Variants in DDX19A observed in about 807,000 individuals in gnomAD.
DDX19A encodes DEAD-box helicase 19A, also known as ATP-dependent RNA helicase DDX19A.
DDX19A carries 12 observed loss-of-function variants against 60.6 expected under a neutral mutation model. The observed-to-expected ratio is 0.20, with a 90% confidence interval of 0.13 to 0.32. DDX19A has a LOEUF of 0.32. Among genes scored for constraint, DDX19A ranks in the 10% least tolerant of loss-of-function variants. The pLI, the probability that DDX19A is intolerant of heterozygous loss-of-function variation, is 1.00. For synonymous variants in DDX19A, 206 were observed against 218.2 expected (o/e 0.94, Z 0.49); for missense variants, 337 against 600.6 (o/e 0.56, Z 4.59).
chr16:70,357,439 C>T (rs1964247392), intron 4 of DDX19A, among the ~76,000 whole-genome samples: 1 of 108,500 alleles, frequency 9.2e-6, no homozygotes, highest in African/African-American at 3.6e-5. Context: ...GGCTAGAGTG[C>T]AGTGGCGTGA....
At chr16:70,368,463 GT>G (rs1167900753) in intron 9 of DDX19A, among the ~76,000 whole-genome samples, 1 of 151,984 alleles carries the variant, frequency 6.6e-6, no homozygotes, top group Non-Finnish European at 1.5e-5. Flanking sequence ...GGTACAGGGG[GT>G]TTCACCATGT....
rs1381612166 is a variant in DDX19A, at chr16:70,371,282, A to G, written c.1184-90A>G. ...GTCCCAAATTCTTTCCCTCTATCCC[A>G]AAGTTGGTACGCATTGACCTACCTA... On this transcript the variant is annotated intron_variant, in intron 10 of 11. Transcript: ENST00000302243. The G allele has an allele frequency of 2.5e-6, 4 of 1,611,200 alleles. No individual in the cohort carries two copies. In the Admixed American group the frequency reaches 6.7e-5, roughly 27 times the overall value.
intron 2 of DDX19A, among the ~76,000 whole-genome samples, chr16:70,352,283 C>CT (rs58812314): frequency 0.032 from 4,283 of 135,284 alleles, 105 homozygotes; most frequent in African/African-American, 0.046. Context: ...TCATCCATGT[C>CT]TTTTTTTTTT....
At position 70,361,684 on chromosome 16, in the gene DDX19A, C is replaced by A. The variant is rs1006556351; in HGVS notation, c.386+174C>A. 4 of 565,050 alleles carry A rather than the reference C, an allele frequency of 7.1e-6. No individual in the cohort carries two copies. The African/African-American group carries it at 7.6e-5, about 11-fold the overall frequency. The allele number at this position is 565,050 out of a possible 1,614,324, so 35.0% of individuals were successfully genotyped here. A position where few individuals can be genotyped will look rare whatever the true frequency, so the allele number is the denominator to read the frequency against. Reference sequence around the variant, plus strand: ...GGAGTTAGCTACAGTTTCTGCCTTTCCCACTTAACAATAGAAACTTATAGA... The same window carrying A: ...GGAGTTAGCTACAGTTTCTGCCTTTACCACTTAACAATAGAAACTTATAGA... On this transcript the variant is annotated intron_variant, in intron 5 of 11. Transcript: ENST00000302243.
chr16:70,367,456 A>G (rs773956200), intron 9 of DDX19A, among the ~76,000 whole-genome samples: 1 of 152,072 alleles, frequency 6.6e-6, no homozygotes, highest in Non-Finnish European at 1.5e-5. Flanking sequence ...CAAGATAGTC[A>G]TAACATTCAC....
intron 11 of DDX19A, 151 bp downstream of exon 11, chr16:70,371,714 C>G: frequency 3.2e-6 from 4 of 1,239,652 alleles, no homozygotes; most frequent in Middle Eastern, 5.5e-4. Context: ...AGGGAGCACA[C>G]CTGGAGACTT....
At chr16:70,369,390 G>A (rs1042495320) in intron 9 of DDX19A, among the ~76,000 whole-genome samples, 9 of 148,960 alleles carry the variant, frequency 6.0e-5, no homozygotes, top group Non-Finnish European at 3.0e-5. Context: ...ATGTTGGTCA[G>A]GCTTGTGTTG....
intron 6 of DDX19A, 148 bp downstream of exon 6, chr16:70,364,793 G>A: frequency 1.4e-6 from 1 of 693,174 alleles, no homozygotes. Flanking sequence ...CCTGACCTGG[G>A]AGAATGTGCT....
chr16:70,351,902 C>T (rs1408679718), intron 2 of DDX19A, among the ~76,000 whole-genome samples: 4 of 152,010 alleles, frequency 2.6e-5, no homozygotes, highest in Admixed American at 1.3e-4. Context: ...AAAAGTGAAT[C>T]TGGGTTCAAA....
At chr16:70,371,628 G>A (rs2151647983) in intron 11 of DDX19A, 65 bp downstream of exon 11, 3 of 819,240 alleles carry the variant, frequency 3.7e-6, no homozygotes, top group Non-Finnish European at 5.7e-6. Context: ...GGTGAAAGGG[G>A]TAGGATCTTC....
At chr16:70,361,383 C>G in intron 4 of DDX19A, 35 bp from the exon 5 acceptor site, 2 of 1,474,012 alleles carry the variant, frequency 1.4e-6, no homozygotes, top group Non-Finnish European at 9.5e-7. Context: ...ATTCTAACTT[C>G]TAGGCATCCA....
intron 5 of DDX19A, among the ~76,000 whole-genome samples, chr16:70,362,340 C>CAAA (rs566741768): frequency 8.4e-4 from 39 of 46,280 alleles, no homozygotes; most frequent in African/African-American, 2.4e-3. Context: ...GACTCTGTCT[C>CAAA]AAAAAAAAAA....
At chr16:70,370,187 A>C (rs769657427) in intron 9 of DDX19A, 36 bp from the exon 10 acceptor site, 5 of 1,599,288 alleles carry the variant, frequency 3.1e-6, no homozygotes, top group Non-Finnish European at 4.3e-6. Context: ...TATATACTCA[A>C]ATACTTTCAT....
At chr16:70,358,807 G>A (rs992004121) in intron 4 of DDX19A, among the ~76,000 whole-genome samples, 9 of 152,130 alleles carry the variant, frequency 5.9e-5, no homozygotes, top group South Asian at 4.1e-4. Context: ...AGATCATGCC[G>A]TTCGTTGCAC....
chr16:70,355,677 C>G (rs1964164711), intron 3 of DDX19A, 142 bp downstream of exon 3: 1 of 710,132 alleles, frequency 1.4e-6, no homozygotes, highest in Non-Finnish European at 2.5e-6. Context: ...GAGAACAAAA[C>G]AAGTCCGAAA....
intron 9 of DDX19A, among the ~76,000 whole-genome samples, chr16:70,367,139 A>G (rs1425104519): frequency 1.3e-5 from 2 of 152,186 alleles, no homozygotes; most frequent in African/African-American, 4.8e-5. Flanking sequence ...TAAAAAATTC[A>G]ACAAGATGGC....
rs1474473428 is a variant in DDX19A, at chr16:70,364,774, A to G, written c.489+129A>G. ...TGTGGCTCAGGCAGAGCAAGTTCCT[A>G]CACCAGGCCCTGACCTGGGAGAATG... is the stretch of plus-strand genomic sequence containing the variant. On this transcript the variant is annotated intron_variant, in intron 6 of 11. Coordinates refer to ENST00000302243, the MANE Select transcript of DDX19A (RefSeq NM_018332.5). 3 of 743,118 alleles carry G rather than the reference A, an allele frequency of 4.0e-6. No individual in the cohort carries two copies. The South Asian group carries it at 5.0e-5, about 12-fold the overall frequency. The allele number at this position is 743,118 out of a possible 1,614,324, so 46.0% of individuals were successfully genotyped here.
At chr16:70,352,793 C>CATTA (rs1964063823) in intron 2 of DDX19A, among the ~76,000 whole-genome samples, 2 of 151,844 alleles carry the variant, frequency 1.3e-5, no homozygotes, top group Admixed American at 1.3e-4. Flanking sequence ...TGTGCCACCA[C>CATTA]GCCTGGCTAA....
chr16:70,367,719 A>G (rs933554754), intron 9 of DDX19A, among the ~76,000 whole-genome samples: 2 of 151,146 alleles, frequency 1.3e-5, no homozygotes, highest in African/African-American at 4.9e-5. Context: ...CTCTACTAAA[A>G]ATACAAAATT....
Sources: gnomAD v4.1 joint callset for allele counts (sites outside exome capture counted in the v4.1 genomes callset) on GRCh38, gnomAD v4.1.1 for gene constraint, MANE v1.5 for transcripts, NCBI Gene and HGNC (gene_info 2026-07-23, HGNC 2026-07-21) for gene names.